Variants in TYW1B observed in about 807,000 individuals in gnomAD.
TYW1B encodes the protein S-adenosyl-L-methionine-dependent tRNA 4-demethylwyosine synthase TYW1B.
TYW1B carries 73 observed loss-of-function variants against 86.9 expected under a neutral mutation model. That is an observed-to-expected ratio of 0.84 (90% CI 0.70 to 1.02). The LOEUF (loss-of-function observed/expected upper bound fraction) is 1.02. Ranked by LOEUF, TYW1B falls within the 50% of genes least tolerant of loss-of-function variation. TYW1B has a pLI of 0.00. For missense variants in TYW1B, 637 were observed against 827.4 expected (o/e 0.77, Z 2.82); for synonymous variants, 248 against 292.8 (o/e 0.85, Z 1.56).
intron 7 of TYW1B, among the ~76,000 whole-genome samples, chr7:72,770,625 T>C (rs1465830471): frequency 3.9e-5 from 6 of 152,028 alleles, no homozygotes; most frequent in Admixed American, 2.6e-4. Flanking sequence ...TCTTCTAAAG[T>C]TAAATATATA....
At chr7:72,738,869 G>C (rs141280980) in intron 8 of TYW1B, among the ~76,000 whole-genome samples, 1 of 151,934 alleles carries the variant, frequency 6.6e-6, no homozygotes, top group African/African-American at 2.4e-5. Context: ...CCAAGAGTTC[G>C]AGACCAGCTT....
intron 9 of TYW1B, among the ~76,000 whole-genome samples, chr7:72,718,901 C>T (rs1342887139): frequency 6.6e-6 from 1 of 152,026 alleles, no homozygotes; most frequent in Admixed American, 6.6e-5. Context: ...TCAGATGCAC[C>T]GGGTTCACAC....
At chr7:72,613,215 T>A (rs1554436262) in intron 13 of TYW1B, among the ~76,000 whole-genome samples, 2 of 152,264 alleles carry the variant, frequency 1.3e-5, no homozygotes, top group Admixed American at 6.5e-5. Context: ...GTTGGGTAAC[T>A]GTGGCTGGTA....
chr7:72,779,365 A>G (rs1554471245), intron 6 of TYW1B, among the ~76,000 whole-genome samples: 1 of 152,306 alleles, frequency 6.6e-6, no homozygotes, highest in Admixed American at 6.5e-5. Flanking sequence ...AATTCACTAT[A>G]TCACTCTGTG....
At chr7:72,657,938 G>A (rs530471157) in intron 11 of TYW1B, among the ~76,000 whole-genome samples, 1 of 152,270 alleles carries the variant, frequency 6.6e-6, no homozygotes, top group East Asian at 1.9e-4. Flanking sequence ...TATAATCACA[G>A]ACAAATGGAA....
chr7:72,601,171 C>G (rs1173439512), intron 13 of TYW1B, among the ~76,000 whole-genome samples: 4 of 151,370 alleles, frequency 2.6e-5, no homozygotes, highest in Non-Finnish European at 5.9e-5. Context: ...TAAAAATAAA[C>G]CAACCTAATT....
chr7:72,632,751 G>C (rs1322488128), intron 11 of TYW1B, among the ~76,000 whole-genome samples: 13 of 151,710 alleles, frequency 8.6e-5, no homozygotes, highest in African/African-American at 2.9e-4. Flanking sequence ...TTGTTATAAA[G>C]TGCTTTGTAG....
At chr7:72,648,480 T>C (rs1202949890) in intron 11 of TYW1B, among the ~76,000 whole-genome samples, 2 of 149,764 alleles carry the variant, frequency 1.3e-5, no homozygotes, top group Non-Finnish European at 3.0e-5. Flanking sequence ...GAGGCGGAGG[T>C]TGCAGAGAGC....
At chr7:72,713,069 C>A (rs1181010756) in intron 10 of TYW1B, among the ~76,000 whole-genome samples, 1 of 151,052 alleles carries the variant, frequency 6.6e-6, no homozygotes, top group Non-Finnish European at 1.5e-5. Context: ...GAGGCTGAGG[C>A]GGGAGGATCA....
chr7:72,712,389 T>G (rs1554454945), intron 10 of TYW1B, among the ~76,000 whole-genome samples: 9 of 152,130 alleles, frequency 5.9e-5, no homozygotes, highest in Non-Finnish European at 1.5e-5. Flanking sequence ...AGTGCAATGG[T>G]GCGATCTCGG....
chr7:72,819,656 C>T (rs1345217541), intron 2 of TYW1B, among the ~76,000 whole-genome samples: 3 of 152,170 alleles, frequency 2.0e-5, no homozygotes, highest in Admixed American at 2.0e-4. Flanking sequence ...TGGTCTCGAA[C>T]TCCTGGGCTC....
chr7:72,738,718 T>G (rs1311196033), intron 8 of TYW1B, among the ~76,000 whole-genome samples: 1 of 152,094 alleles, frequency 6.6e-6, no homozygotes, highest in Non-Finnish European at 1.5e-5. Flanking sequence ...TAAGAGATAC[T>G]TTTAGTGTTT....
chr7:72,650,068 G>GT (rs1554442574), intron 11 of TYW1B, among the ~76,000 whole-genome samples: 12 of 117,788 alleles, frequency 1.0e-4, no homozygotes, highest in African/African-American at 4.8e-4. Context: ...TTTTTTTGTT[G>GT]GTTTTTTTTT....
chr7:72,795,352 C>T (rs1214624743), intron 6 of TYW1B, among the ~76,000 whole-genome samples: 2 of 151,912 alleles, frequency 1.3e-5, no homozygotes, highest in South Asian at 2.1e-4. Flanking sequence ...ATTTTCTCAT[C>T]GTCTCTTTTA....
In TYW1B at chr7:72,763,289, T is replaced by C. The variant is rs1230790551; in HGVS notation, c.964+14127A>G. Among the ~76,000 whole-genome samples, 26 of 142,650 alleles carry C rather than the reference T, an allele frequency of 1.8e-4. No individual in the cohort carries two copies. In the East Asian group the frequency reaches 4.2e-3, roughly 23 times the overall value. 93.6% of individuals were successfully genotyped at this position (142,650 alleles called of 152,430 possible). ...TGTTTTTTCTTTTCTTTTCTTTTTT[T>C]TTTTTTTTTTGAGATGGAGTCTTGC... On this transcript the variant is annotated intron_variant, in intron 7 of 13. Coordinates refer to ENST00000620995, the MANE Select transcript of TYW1B (RefSeq NM_001145440.3).
At chr7:72,596,702 TTCATGACATTGAACA>T (rs2129567955) in intron 13 of TYW1B, among the ~76,000 whole-genome samples, 1 of 152,230 alleles carries the variant, frequency 6.6e-6, no homozygotes, top group South Asian at 2.1e-4. Flanking sequence ...ATGGCAAAGC[TTCATGACATTGAACA>T]TAGCAGTGAT....
Position 72,575,247 on chromosome 7 carries a change from C to A in TYW1B, c.*251G>T. The A allele has an allele frequency of 1.5e-6, 2 of 1,333,862 alleles. No homozygotes were observed. The highest frequency in any genetic ancestry group is 1.8e-5 in the South Asian group (1 of 55,890). The allele number at this position is 1,333,862 out of a possible 1,614,324, so 82.6% of individuals were successfully genotyped here. ...TTCTAATCACGACTGTGTAGTTCCT[C>A]CCCAAAATAATTTTCCTCTTAGAAG... On this transcript the variant is annotated 3_prime_UTR_variant, in exon 14 of 14. Transcript: ENST00000620995.
Position 72,828,115 on chromosome 7 carries a change from G to C in TYW1B, c.-40C>G, listed in dbSNP as rs375500448. 3.7e-6 allele frequency: 6 copies of C among 1,612,994 alleles called. No homozygotes were observed. The African/African-American group carries it at 6.7e-5, about 18-fold the overall frequency. ...ACAGGAGACTAGGATCTCGGACCTGGAGAGCCCAAAGGTTCGCACTGGTAC... is the reference window on the plus strand; with the variant it reads ...ACAGGAGACTAGGATCTCGGACCTGCAGAGCCCAAAGGTTCGCACTGGTAC... On this transcript the variant is annotated 5_prime_UTR_variant, in exon 1 of 14. Transcript: ENST00000620995.
intron 13 of TYW1B, among the ~76,000 whole-genome samples, chr7:72,609,319 G>C (rs1474375749): frequency 6.6e-6 from 1 of 152,116 alleles, no homozygotes; most frequent in Non-Finnish European, 1.5e-5. Context: ...AGCACTTTGG[G>C]AGGCCGAGGT....
Sources: allele counts gnomAD v4.1 joint callset (sites outside exome capture counted in the v4.1 genomes callset), GRCh38; gene constraint gnomAD v4.1.1; transcripts MANE v1.5; gene names NCBI Gene and HGNC (gene_info 2026-07-23, HGNC 2026-07-21).